Variants in GABRR2 observed in about 807,000 individuals in gnomAD.
The protein encoded by GABRR2 is gamma-aminobutyric acid receptor subunit rho-2.
Under a neutral mutation model 47.0 loss-of-function variants are expected in GABRR2, and 36 were observed. The ratio of observed to expected loss-of-function variants is 0.77; its 90% CI spans 0.59 to 1.01. The LOEUF is 1.01. GABRR2 is among the 50% of genes least tolerant of loss of function. The pLI, the probability that GABRR2 is intolerant of heterozygous loss-of-function variation, is 0.00. For synonymous variants in GABRR2, 204 were observed against 227.5 expected (o/e 0.90, Z 0.93); for missense variants, 587 against 594.6 (o/e 0.99, Z 0.13).
intron 8 of GABRR2, among the ~76,000 whole-genome samples, chr6:89,259,738 A>G (rs1281506841): frequency 1.3e-5 from 2 of 152,056 alleles, no homozygotes; most frequent in African/African-American, 4.8e-5. Context: ...TCCTGACCTC[A>G]AATGATCTGC....
At position 89,255,730 on chromosome 6, in the gene GABRR2, C is replaced by T. The variant is rs944111330; in HGVS notation, c.*1940G>A. On this transcript the variant is annotated 3_prime_UTR_variant, in exon 9 of 9. Transcript: ENST00000402938. ...CCTGTTCTCTGCAATGGCAAACCTT[C>T]CCATTCTCCCCATGCGTCCGCTCAA... 6.6e-6 allele frequency among the ~76,000 whole-genome samples: 1 copy of T among 152,144 alleles called. No individual in the cohort carries two copies. The highest frequency in any genetic ancestry group is 2.4e-5 in the African/African-American group (1 of 41,424).
chr6:89,282,991 C>G (rs764288525), intron 2 of GABRR2, among the ~76,000 whole-genome samples: 2 of 152,266 alleles, frequency 1.3e-5, no homozygotes, highest in Non-Finnish European at 2.9e-5. Flanking sequence ...TAGCTGAGGA[C>G]TGACTCCTCA....
chr6:89,259,176 C>T (rs1773681153), intron 8 of GABRR2, among the ~76,000 whole-genome samples: 1 of 152,086 alleles, frequency 6.6e-6, no homozygotes, highest in Admixed American at 6.5e-5. Context: ...GCCCACTTGA[C>T]ACATCCAATT....
At chr6:89,301,655 C>T (rs1562387564) in intron 1 of GABRR2, 3 of 476,088 alleles carry the variant, frequency 6.3e-6, no homozygotes, top group Non-Finnish European at 1.2e-5. Context: ...CCTAGGAATA[C>T]AGCTAACCAG....
chr6:89,265,511 C>A, intron 7 of GABRR2, 102 bp downstream of exon 7: 1 of 1,290,176 alleles, frequency 7.8e-7, no homozygotes, highest in Non-Finnish European at 1.0e-6. Context: ...ACTCTAACAG[C>A]TCATCAGTTA....
chr6:89,314,824 C>G (rs557305663), intron 1 of GABRR2, among the ~76,000 whole-genome samples: 2 of 152,184 alleles, frequency 1.3e-5, no homozygotes, highest in Non-Finnish European at 2.9e-5. Flanking sequence ...TTTGGCTGAA[C>G]GCAGGCATCC....
At position 89,265,642 on chromosome 6, in the gene GABRR2, C is replaced by G; in HGVS notation, c.860G>C (p.Arg287Pro). 6.2e-7 allele frequency: 1 copy of G among 1,614,022 alleles called. No homozygotes were observed. The highest frequency in any genetic ancestry group is 8.5e-7 in the Non-Finnish European group (1 of 1,179,966). The part of the protein sequence containing the change: ...MLSWVSFWID[R>P]RAVPARVSLG... Reference sequence around the variant, plus strand: ...TGAAACTCTGGCAGGCACAGCTCTGCGGTCGATCCAGAAGGACACCCAGGA... The same window carrying G: ...TGAAACTCTGGCAGGCACAGCTCTGGGGTCGATCCAGAAGGACACCCAGGA... The change falls in exon 7 of 9, where the codon CGC becomes CCC. Residue 287 changes from arginine (R) to proline (P), a missense_variant. Transcript: ENST00000402938.
intron 2 of GABRR2, among the ~76,000 whole-genome samples, chr6:89,296,305 C>T (rs1774552674): frequency 6.6e-6 from 1 of 152,260 alleles, no homozygotes; most frequent in African/African-American, 2.4e-5. Flanking sequence ...GCGATCATCC[C>T]ATCTTGCCTG....
At chr6:89,285,199 G>A (rs374593169) in intron 2 of GABRR2, among the ~76,000 whole-genome samples, 1 of 152,218 alleles carries the variant, frequency 6.6e-6, no homozygotes, top group Non-Finnish European at 1.5e-5. Context: ...CTCCCCATGG[G>A]ATAGCCAAGG....
chr6:89,310,298 A>C (rs894399481), intron 1 of GABRR2, among the ~76,000 whole-genome samples: 4 of 152,098 alleles, frequency 2.6e-5, no homozygotes, highest in Non-Finnish European at 5.9e-5. Context: ...CTGGTCCTAC[A>C]GGTGCTCTTG....
intron 2 of GABRR2, among the ~76,000 whole-genome samples, chr6:89,283,564 G>A (rs1221723395): frequency 6.6e-6 from 1 of 152,162 alleles, no homozygotes; most frequent in Admixed American, 6.5e-5. Flanking sequence ...AGTATATATA[G>A]CCATACAAGA....
At chr6:89,265,588 A>G (rs372273009) in intron 7 of GABRR2, 25 bp downstream of exon 7, 62 of 1,602,278 alleles carry the variant, frequency 3.9e-5, no homozygotes, top group African/African-American at 5.4e-5. Context: ...TAACCACCCT[A>G]CCACACCTTA....
intron 6 of GABRR2, 126 bp from the exon 7 acceptor site, chr6:89,265,891 T>C (rs1433543460): frequency 2.3e-6 from 2 of 888,834 alleles, no homozygotes; most frequent in African/African-American, 1.7e-5. Context: ...TAATGACCAG[T>C]TGGCTTAATA....
chr6:89,286,613 G>A (rs1012967167), intron 2 of GABRR2, among the ~76,000 whole-genome samples: 33 of 151,826 alleles, frequency 2.2e-4, no homozygotes, highest in African/African-American at 7.7e-4. Flanking sequence ...ATGGGACCCA[G>A]CCCTGCCCCA....
chr6:89,272,019 G>A (rs1774064219), intron 2 of GABRR2, among the ~76,000 whole-genome samples: 1 of 152,224 alleles, frequency 6.6e-6, no homozygotes, highest in Admixed American at 6.5e-5. Context: ...GGCTGTCTCT[G>A]TAGGGTAGAG....
intron 1 of GABRR2, chr6:89,302,747 G>C: frequency 7.0e-7 from 1 of 1,419,814 alleles, no homozygotes. Flanking sequence ...AGGTGGACGA[G>C]CAGATGCTGT....
At chr6:89,258,009 A>G (rs1582428352) in intron 8 of GABRR2, 28 bp from the exon 9 acceptor site, 2 of 1,599,040 alleles carry the variant, frequency 1.3e-6, no homozygotes, top group African/African-American at 1.3e-5. Flanking sequence ...AAAGAACATC[A>G]TTAAGCCTTG....
At chr6:89,264,694 T>G (rs1773846661) in intron 7 of GABRR2, 86 bp from the exon 8 acceptor site, 9 of 1,498,956 alleles carry the variant, frequency 6.0e-6, no homozygotes, top group Non-Finnish European at 8.2e-6. Flanking sequence ...ACACTCTCTA[T>G]CTCTTAAACC....
intron 2 of GABRR2, among the ~76,000 whole-genome samples, chr6:89,291,125 G>A (rs192791007): frequency 1.6e-4 from 25 of 152,210 alleles, no homozygotes; most frequent in South Asian, 6.2e-4. Flanking sequence ...ACACACTCAG[G>A]AGGTGCCCTA....
Sources: allele counts gnomAD v4.1 joint callset (sites outside exome capture counted in the v4.1 genomes callset), GRCh38; gene constraint gnomAD v4.1.1; transcripts MANE v1.5; gene names NCBI Gene and HGNC (gene_info 2026-07-23, HGNC 2026-07-21).